Variants in ABCA1 observed in about 807,000 individuals in gnomAD.
ABCA1 encodes the protein phospholipid-transporting ATPase ABCA1.
In ABCA1, 133 loss-of-function variants were observed where a neutral mutation model predicts 262.5. The observed-to-expected ratio is 0.51, with a 90% CI of 0.44 to 0.59. ABCA1 has a LOEUF of 0.59. ABCA1 is among the 20% of genes least tolerant of loss of function. The pLI, the probability that ABCA1 is intolerant of heterozygous loss-of-function variation, is 0.00. For synonymous variants in ABCA1, 1,022 were observed against 1,043.5 expected (o/e 0.98, Z 0.40); for missense variants, 2,452 against 2,777.5 (o/e 0.88, Z 2.63).
chr9:104,793,339 G>C (rs1256222412), intron 40 of ABCA1, 39 bp from the exon 41 acceptor site: 7 of 1,613,628 alleles, frequency 4.3e-6, no homozygotes, highest in African/African-American at 1.3e-5. Context: ...AGAATGGAGG[G>C]ATCAAAAACC....
chr9:104,814,606 A>T, intron 25 of ABCA1, 131 bp from the exon 26 acceptor site: 1 of 939,818 alleles, frequency 1.1e-6, no homozygotes, highest in Non-Finnish European at 1.7e-6. Flanking sequence ...CACATTTCTT[A>T]ATAACACTTT....
chr9:104,860,755 C>CTTTTTTT (rs762423202), intron 6 of ABCA1, among the ~76,000 whole-genome samples: 8 of 115,834 alleles, frequency 6.9e-5, no homozygotes, highest in East Asian at 2.6e-4. Flanking sequence ...TTATAAAATT[C>CTTTTTTT]TTTTTTTTTT....
intron 4 of ABCA1, among the ~76,000 whole-genome samples, chr9:104,883,710 A>G (rs1838896786): frequency 6.6e-6 from 1 of 152,234 alleles, no homozygotes; most frequent in Non-Finnish European, 1.5e-5. Flanking sequence ...GTCCATGAAC[A>G]TGACAGTGTG....
intron 5 of ABCA1, 84 bp from the exon 6 acceptor site, chr9:104,861,884 C>T (rs983563892): frequency 5.4e-5 from 68 of 1,256,514 alleles, no homozygotes; most frequent in Admixed American, 5.9e-5. Context: ...AGTGGAGAAA[C>T]GTTATCATAA....
intron 26 of ABCA1, 64 bp downstream of exon 26, chr9:104,814,363 G>A (rs934968065): frequency 1.4e-5 from 22 of 1,576,834 alleles, no homozygotes; most frequent in Admixed American, 8.4e-5. Flanking sequence ...AACAATACTC[G>A]TGCACTGAGA....
chr9:104,889,092 A>C lies in ABCA1; in HGVS notation c.160+10T>G. ...TTGGTGAGTCTCAGGCAACATCCAC[A>C]GTTACTTACATTCATGTTGTTCATA... On this transcript the variant is annotated intron_variant, in intron 3 of 49. Coordinates refer to ENST00000374736, the MANE Select transcript of ABCA1 (RefSeq NM_005502.4). 6.2e-7 allele frequency: 1 copy of C among 1,611,696 alleles called. No homozygotes were observed. Among genetic ancestry groups the C allele is most frequent in the Non-Finnish European group, 8.5e-7 (1 of 1,177,784 alleles).
chr9:104,792,179 G>A (rs977258668), intron 42 of ABCA1, among the ~76,000 whole-genome samples, 181 bp from the exon 43 acceptor site: 14 of 152,204 alleles, frequency 9.2e-5, no homozygotes, highest in African/African-American at 3.1e-4. Context: ...ACTGGCTTCT[G>A]AATGATTCTG....
At chr9:104,831,852 G>T (rs777199111) in intron 12 of ABCA1, 25 bp from the exon 13 acceptor site, 4 of 1,611,792 alleles carry the variant, frequency 2.5e-6, no homozygotes, top group Non-Finnish European at 3.4e-6. Flanking sequence ...GCCTTCATGA[G>T]AACGTTGGCA....
chr9:104,863,353 A>C (rs191554631), intron 5 of ABCA1, among the ~76,000 whole-genome samples: 16 of 152,350 alleles, frequency 1.1e-4, no homozygotes, highest in African/African-American at 3.8e-4. Flanking sequence ...TTTGTAATAA[A>C]GATAAAACCA....
At position 104,803,266 on chromosome 9, in the gene ABCA1, A is replaced by G; in HGVS notation, c.4592+18T>C. 6.2e-7 allele frequency: 1 copy of G among 1,614,102 alleles called. No individual in the cohort carries two copies. The highest frequency in any genetic ancestry group is 8.5e-7 in the Non-Finnish European group (1 of 1,179,906). The stretch of plus-strand genomic sequence containing the variant: ...ATCCTCCCCCTGAGCTAAACGTGCC[A>G]GAAAGACAGCAACTTACCTAAACTC... On this transcript the variant is annotated intron_variant, in intron 33 of 49. Transcript: ENST00000374736.
intron 1 of ABCA1, among the ~76,000 whole-genome samples, chr9:104,919,649 G>A (rs568679582): frequency 6.6e-5 from 10 of 151,976 alleles, no homozygotes; most frequent in African/African-American, 2.2e-4. Context: ...AATGATGTCC[G>A]AGATGGAGAG....
chr9:104,853,575 G>A (rs895418935), intron 7 of ABCA1, among the ~76,000 whole-genome samples: 2 of 152,124 alleles, frequency 1.3e-5, no homozygotes, highest in Non-Finnish European at 2.9e-5. Context: ...GTTGGTGGTC[G>A]AACTTCAGTG....
At chr9:104,918,326 T>C (rs1275917081) in intron 1 of ABCA1, among the ~76,000 whole-genome samples, 3 of 152,182 alleles carry the variant, frequency 2.0e-5, no homozygotes, top group Middle Eastern at 3.2e-3. Context: ...CAAACCATAC[T>C]ATATGTTAAT....
At chr9:104,872,368 G>C (rs1473693570) in intron 5 of ABCA1, among the ~76,000 whole-genome samples, 1 of 152,106 alleles carries the variant, frequency 6.6e-6, no homozygotes, top group Non-Finnish European at 1.5e-5. Context: ...CGTGATATTG[G>C]CCTCAAAAGC....
intron 31 of ABCA1, 139 bp from the exon 32 acceptor site, chr9:104,804,859 C>A (rs1830632244): frequency 1.3e-6 from 1 of 762,274 alleles, no homozygotes; most frequent in Non-Finnish European, 2.4e-6. Context: ...CCTCAGTCAA[C>A]CAGCACTGAG....
intron 2 of ABCA1, among the ~76,000 whole-genome samples, chr9:104,892,600 G>C (rs2118355042): frequency 6.6e-6 from 1 of 152,044 alleles, no homozygotes. Context: ...TCTCCCTTAG[G>C]GTCACTTTCT....
chr9:104,791,551 C>A (rs1197208315), intron 43 of ABCA1, among the ~76,000 whole-genome samples: 1 of 152,094 alleles, frequency 6.6e-6, no homozygotes, highest in South Asian at 2.1e-4. Context: ...CTCAGCCTCC[C>A]GAGTAGCTGG....
intron 7 of ABCA1, among the ~76,000 whole-genome samples, chr9:104,856,688 A>G (rs1010042128): frequency 1.3e-5 from 2 of 152,182 alleles, no homozygotes; most frequent in Non-Finnish European, 2.9e-5. Flanking sequence ...TTAATGAGTA[A>G]ACAGAAGTGA....
chr9:104,790,935 G>A lies in ABCA1; in HGVS notation c.5914C>T (p.Leu1972Phe), dbSNP rs1829372275. 1.2e-6 allele frequency: 2 copies of A among 1,612,158 alleles called. No homozygotes were observed. Among genetic ancestry groups the A allele is most frequent in the Non-Finnish European group, 1.7e-6 (2 of 1,178,664 alleles). ...TTCTTTTCTCACCTATTTTTGTTAA[G>A]GAAAGCATCTCCTCTGGTAACAGTG... ...DTTVTRGDAF[L>F]NKNSILSNIH... Residue 1972 changes from leucine (L) to phenylalanine (F), a missense_variant, in exon 44 of 50, where the codon CTT becomes TTT. Physicochemically the swap from Leu to Phe is conservative, Grantham distance 22. Around this residue, in one of 4 missense-constraint regions of ABCA1, gnomAD observed 752 missense variants for 944.5 expected, o/e 0.80. Transcript: ENST00000374736.
Sources: allele counts gnomAD v4.1 joint callset (sites outside exome capture counted in the v4.1 genomes callset), GRCh38; gene constraint gnomAD v4.1.1; regional missense constraint gnomAD v4.1.1; transcripts MANE v1.5; gene names NCBI Gene and HGNC (gene_info 2026-07-23, HGNC 2026-07-21).